The following BEGAIN variants were observed in gnomAD, a reference collection of about 807,000 sequenced individuals.
BEGAIN encodes the protein brain enriched guanylate kinase associated.
BEGAIN carries 19 observed loss-of-function variants against 35.8 expected under a neutral mutation model. The observed-to-expected ratio is 0.53, with a 90% CI of 0.37 to 0.78. The LOEUF (loss-of-function observed/expected upper bound fraction) is 0.78, where lower values mean the gene tolerates loss of function less well. Ranked by LOEUF, BEGAIN falls within the 30% of genes least tolerant of loss-of-function variation. The pLI is 0.00. For synonymous variants in BEGAIN, 462 were observed against 388.6 expected, an observed-to-expected ratio of 1.19 and a Z score of -2.22; for missense variants, 795 against 853.6, an observed-to-expected ratio of 0.93 and a Z score of 0.85.
chr14:100,570,573 C>G (rs969513383), intron 1 of BEGAIN, among the ~76,000 whole-genome samples: 1 of 152,244 alleles, frequency 6.6e-6, no homozygotes, highest in African/African-American at 2.4e-5. Context: ...TGTCCCAGCT[C>G]TGTGTCCCTG....
chr14:100,585,848 A>AT (rs921115160), intron 1 of BEGAIN, among the ~76,000 whole-genome samples: 4 of 152,322 alleles, frequency 2.6e-5, no homozygotes, highest in African/African-American at 9.6e-5. Context: ...TATAAATATG[A>AT]GACAAAAGCT....
In BEGAIN at chr14:100,538,093, G is replaced by A. The variant is rs1283999425; in HGVS notation, c.1715C>T (p.Ser572Phe). 6.3e-7 allele frequency: 1 copy of A among 1,585,332 alleles called. No homozygotes were observed. The highest frequency in any genetic ancestry group is 1.4e-5 in the African/African-American group (1 of 74,064). Residue 572 changes from serine (S) to phenylalanine (F), a missense_variant, in exon 7 of 7, where the codon TCC becomes TTC. Ser to Phe is a radical substitution (Grantham distance 155, BLOSUM62 -2). Transcript: ENST00000554140. Reference protein sequence around the residue: ...DSLEPSSMEASPEMHPAARLS... With the variant: ...DSLEPSSMEAFPEMHPAARLS... ...GCGGGCGGCAGGATGCATTTCCGGG[G>A]AGGCCTCCATGGAGCTCGGCTCCAA...
In BEGAIN at chr14:100,546,676, G is replaced by T. The variant is rs762355589; in HGVS notation, c.72-14C>A. The T allele has an allele frequency of 3.9e-6, 6 of 1,545,904 alleles. No homozygotes were observed. In the African/African-American group the frequency reaches 7.1e-5, roughly 18 times the overall value. ...TCCTGCAGCGCGCTGCAACGACATG[G>T]CGGCGGCGGGCCGGGCCGCGGCGCT... On this transcript the variant is annotated splice_polypyrimidine_tract_variant and intron_variant, in intron 2 of 6. Coordinates refer to ENST00000554140, the MANE Select transcript of BEGAIN (RefSeq NM_001385089.1).
At chr14:100,550,683 G>A (rs1019510645) in intron 2 of BEGAIN, among the ~76,000 whole-genome samples, 1 of 152,180 alleles carries the variant, frequency 6.6e-6, no homozygotes, top group African/African-American at 2.4e-5. Flanking sequence ...AGTAGCAGGG[G>A]TTGGGGATGT....
At position 100,539,226 on chromosome 14, in the gene BEGAIN, G is replaced by C; in HGVS notation, c.582C>G (p.Ala194=). ...LPSPLCHPAY[A]DSVPTCVIAK... ...CAATGACGCAGGTGGGGACGCTGTC[G>C]GCGTAGGCCGGGTGGCAGAGCGGGG... The change falls in exon 7 of 7, where the codon GCC becomes GCG. Residue 194 remains alanine (A), a synonymous_variant. Transcript: ENST00000554140. 1 of 1,587,540 alleles carries C rather than the reference G, an allele frequency of 6.3e-7. No individual in the cohort carries two copies. Among genetic ancestry groups the C allele is most frequent in the Non-Finnish European group, 8.6e-7 (1 of 1,166,182 alleles).
chr14:100,568,421 A>C lies in BEGAIN; in HGVS notation c.43-482T>G, dbSNP rs746372856. 232 of 1,278,938 alleles carry C rather than the reference A, an allele frequency of 1.8e-4. No homozygotes were observed. The highest frequency in any genetic ancestry group is 2.2e-4 in the Non-Finnish European group (214 of 982,552). 79.2% of individuals were successfully genotyped at this position (1,278,938 alleles called of 1,614,324 possible). On this transcript the variant is annotated intron_variant, in intron 1 of 6. Coordinates refer to ENST00000554140, the MANE Select transcript of BEGAIN (RefSeq NM_001385089.1). The surrounding 1 kb of genome is among the most constrained non-coding windows in gnomAD (Gnocchi z 7.5). Reference sequence around the variant, plus strand: ...AATGTTGGGGAATTCGGGGCCGTGCAGGATTGCAGAACCTGACACTCACAC... The same window carrying C: ...AATGTTGGGGAATTCGGGGCCGTGCCGGATTGCAGAACCTGACACTCACAC...
At chr14:100,550,458 C>A (rs189467447) in intron 2 of BEGAIN, 226 of 399,344 alleles carry the variant, frequency 5.7e-4, no homozygotes, top group African/African-American at 4.4e-3. Context: ...CCAGCCGGCC[C>A]TGCAGTACTC....
Position 100,546,605 on chromosome 14 carries a change from C to T in BEGAIN, c.129G>A (p.Lys43=). ...LRKRLSYTTH[K]LEKLETEFDS... ...CGAACTCGGTCTCGAGCTTCTCGAG[C>T]TTGTGTGTGGTGTAGGACAGCCGCT... The change falls in exon 3 of 7, where the codon AAG becomes AAA. Residue 43 remains lysine, a synonymous_variant. Coordinates refer to ENST00000554140, the MANE Select transcript of BEGAIN (RefSeq NM_001385089.1). The T allele has an allele frequency of 3.8e-6, 6 of 1,590,596 alleles. No individual in the cohort carries two copies. Among genetic ancestry groups the T allele is most frequent in the Non-Finnish European group, 5.1e-6 (6 of 1,171,350 alleles).
chr14:100,582,530 G>A (rs1382162611), intron 1 of BEGAIN, among the ~76,000 whole-genome samples: 9 of 152,298 alleles, frequency 5.9e-5, no homozygotes, highest in Middle Eastern at 3.4e-3. Context: ...CACCTGCCCC[G>A]CTGTCCCTGG....
intron 1 of BEGAIN, among the ~76,000 whole-genome samples, chr14:100,582,099 C>A (rs1224498649): frequency 6.6e-6 from 1 of 152,246 alleles, no homozygotes; most frequent in East Asian, 1.9e-4. Flanking sequence ...CCTTCACCAA[C>A]CTTCCCCTCG....
chr14:100,580,434 C>T (rs554952955), intron 1 of BEGAIN, among the ~76,000 whole-genome samples: 55 of 152,306 alleles, frequency 3.6e-4, no homozygotes, highest in Non-Finnish European at 5.6e-4. Flanking sequence ...GCTACCCTCC[C>T]GCCCCGTGCT....
rs1196075881 is a variant in BEGAIN at position 100,546,776 on chromosome 14, GCGCGCACACACACA to G, written c.72-128_72-115del. 83 of 678,282 alleles carry G rather than the reference GCGCGCACACACACA, an allele frequency of 1.2e-4. 3 individuals are homozygous for G. The African/African-American group carries it at 1.9e-3, about 16-fold the overall frequency. The allele number at this position is 678,282 out of a possible 1,614,324, so 42.0% of individuals were successfully genotyped here. A position where few individuals can be genotyped will look rare whatever the true frequency, so the allele number is the denominator to read the frequency against. ...CACGCGAGTACCGGCGCGCGCGCGC[GCGCGCACACACACA>G]CACACACACACACACACACACACTC... On this transcript the variant is annotated intron_variant, in intron 2 of 6. Transcript: ENST00000554140.
At chr14:100,566,487 G>T (rs2034693557) in intron 2 of BEGAIN, among the ~76,000 whole-genome samples, 1 of 152,152 alleles carries the variant, frequency 6.6e-6, no homozygotes, top group African/African-American at 2.4e-5. Context: ...TTTTCCTCAA[G>T]TCTCAGCTGA....
intron 2 of BEGAIN, 78 bp from the exon 3 acceptor site, chr14:100,546,740 T>C: frequency 1.4e-6 from 2 of 1,386,296 alleles, no homozygotes; most frequent in Non-Finnish European, 1.9e-6. Flanking sequence ...AGCCGGGGCG[T>C]GCCGCACTAA....
chr14:100,576,534 G>A (rs2035207330), intron 1 of BEGAIN, among the ~76,000 whole-genome samples: 2 of 152,196 alleles, frequency 1.3e-5, no homozygotes, highest in Admixed American at 1.3e-4. Context: ...GCCTTCCTGG[G>A]TGGCTACAGG....
At position 100,546,651 on chromosome 14, in the gene BEGAIN, T is replaced by C; in HGVS notation, c.83A>G (p.Glu28Gly). The C allele has an allele frequency of 1.3e-6, 2 of 1,563,856 alleles. No homozygotes were observed. The highest frequency in any genetic ancestry group is 1.7e-6 in the Non-Finnish European group (2 of 1,160,432). The stretch of plus-strand genomic sequence containing the variant: ...CCGCTTGCGCAGCTCGCCCTTCTGC[T>C]CCTGCAGCGCGCTGCAACGACATGG... The part of the protein sequence containing the change: ...ADMEKLSALQ[E>G]QKGELRKRLS... Residue 28 changes from glutamate (E) to glycine (G), a missense_variant, in exon 3 of 7, where the codon GAG (glutamate) becomes GGG (glycine). Physicochemically the swap from Glu to Gly is moderately conservative, Grantham distance 98. This residue lies in a region of BEGAIN where 58 missense variants were observed against 62.7 expected (regional missense o/e 0.92). Transcript: ENST00000554140.
intron 1 of BEGAIN, among the ~76,000 whole-genome samples, chr14:100,570,697 G>A (rs1309287636): frequency 6.6e-6 from 1 of 152,210 alleles, no homozygotes; most frequent in Non-Finnish European, 1.5e-5. Context: ...AAGATAGCAG[G>A]GAAGCTCCCC....
chr14:100,547,966 A>G (rs2140543899), intron 2 of BEGAIN: 1 of 152,234 alleles, frequency 6.6e-6, no homozygotes, highest in South Asian at 2.1e-4. Flanking sequence ...CACTGCGGGC[A>G]CACACCCAGC....
At chr14:100,551,781 C>T (rs1338045558) in intron 2 of BEGAIN, among the ~76,000 whole-genome samples, 2 of 152,254 alleles carry the variant, frequency 1.3e-5, no homozygotes, top group East Asian at 3.9e-4. Flanking sequence ...GCTCTTGGCA[C>T]TGGCCACGAG....
Sources: allele counts gnomAD v4.1 joint callset (sites outside exome capture counted in the v4.1 genomes callset), GRCh38; gene constraint gnomAD v4.1.1; regional missense constraint gnomAD v4.1.1; non-coding constraint Gnocchi (gnomAD v3.1); transcripts MANE v1.5; gene names NCBI Gene and HGNC (gene_info 2026-07-23, HGNC 2026-07-21).